The following RTN4 variants were observed in gnomAD, a reference collection of about 807,000 sequenced individuals.
The protein encoded by RTN4 is reticulon 4.
Under a neutral mutation model 90.4 loss-of-function variants are expected in RTN4, and 32 were observed. The ratio of observed to expected loss-of-function variants is 0.35; its 90% confidence interval spans 0.27 to 0.48. RTN4 has a LOEUF of 0.48. Among genes scored for constraint, RTN4 ranks in the 20% least tolerant of loss-of-function variants. The pLI, the probability that RTN4 is intolerant of heterozygous loss-of-function variation, is 0.99. For missense variants in RTN4, 1,706 were observed against 1,430.2 expected (o/e 1.19, Z -3.11); for synonymous variants, 629 against 552.5 (o/e 1.14, Z -1.94).
intron 3 of RTN4, among the ~76,000 whole-genome samples, chr2:55,022,468 A>G (rs1681512631): frequency 1.3e-5 from 2 of 152,126 alleles, no homozygotes; most frequent in African/African-American, 4.8e-5. Flanking sequence ...AACTTGCTAA[A>G]TGAAGGCTAA....
Position 54,974,754 on chromosome 2 carries a change from A to G in RTN4, c.3371T>C (p.Leu1124Ser), listed in dbSNP as rs1677475064. The change falls in exon 6 of 9, where the codon TTG becomes TCG. Residue 1124 changes from leucine to serine, a missense_variant. Coordinates refer to ENST00000337526, the MANE Select transcript of RTN4 (RefSeq NM_020532.5). The part of the protein sequence containing the change: ...DLVDSLKFAV[L>S]MWVFTYVGAL... ...ACCAACATAGGTAAATACCCACATC[A>G]ACACTGCAAACTATAAGAAAATAAC... is the stretch of plus-strand genomic sequence containing the variant. 1.2e-6 allele frequency: 2 copies of G among 1,613,454 alleles called. No homozygotes were observed. The highest frequency in any genetic ancestry group is 1.7e-6 in the Non-Finnish European group (2 of 1,179,344).
chr2:55,024,461 C>T (rs1573408519), intron 3 of RTN4, among the ~76,000 whole-genome samples: 1 of 152,134 alleles, frequency 6.6e-6, no homozygotes, highest in Non-Finnish European at 1.5e-5. Flanking sequence ...ATAAAGAGCA[C>T]ATGTGCAAAT....
At chr2:55,070,188 A>C (rs1668461336) in intron 2 of RTN4, among the ~76,000 whole-genome samples, 1 of 152,216 alleles carries the variant, frequency 6.6e-6, no homozygotes, top group East Asian at 1.9e-4. Context: ...TAGGATGTTT[A>C]GCGGGATCAC....
chr2:55,047,934 C>G (rs773790544), intron 1 of RTN4, among the ~76,000 whole-genome samples: 1 of 151,800 alleles, frequency 6.6e-6, no homozygotes, highest in Non-Finnish European at 1.5e-5. Context: ...CCTCGCTGAA[C>G]AGGGGGAACA....
the RTN4 span, among the ~76,000 whole-genome samples, chr2:55,132,928 A>G: frequency 6.6e-6 from 1 of 151,514 alleles, no homozygotes; most frequent in Non-Finnish European, 1.5e-5. Flanking sequence ...TTTAAAAAAC[A>G]TGGCCGGGTG....
intron 3 of RTN4, chr2:55,010,254 GCA>G: frequency 3.9e-6 from 6 of 1,532,706 alleles, no homozygotes; most frequent in Non-Finnish European, 4.4e-6. Context: ...CTCCTCTGCT[GCA>G]CAACTGCAGC....
At chr2:54,983,450 C>A (rs1224921869) in intron 4 of RTN4, among the ~76,000 whole-genome samples, 1 of 152,100 alleles carries the variant, frequency 6.6e-6, no homozygotes. Context: ...CAGGGTACAA[C>A]CAACTCAGAA....
chr2:55,011,549 T>C (rs1680642260), intron 3 of RTN4, among the ~76,000 whole-genome samples: 1 of 152,182 alleles, frequency 6.6e-6, no homozygotes, highest in Non-Finnish European at 1.5e-5. Context: ...ACGTAGCCTA[T>C]GTACAAAAAT....
intron 2 of RTN4, among the ~76,000 whole-genome samples, chr2:55,070,445 C>A (rs1668486431): frequency 6.7e-6 from 1 of 149,190 alleles, no homozygotes; most frequent in South Asian, 2.1e-4. Flanking sequence ...ACTCAGCAGG[C>A]TGAGGCCAGA....
intron 1 of RTN4, among the ~76,000 whole-genome samples, chr2:55,082,198 G>C (rs763148340): frequency 1.3e-5 from 2 of 152,164 alleles, no homozygotes; most frequent in African/African-American, 2.4e-5. Context: ...GGCTGACAGA[G>C]CTGGATCCAA....
chr2:55,009,377 G>C (rs1680467738), intron 3 of RTN4, among the ~76,000 whole-genome samples: 1 of 152,044 alleles, frequency 6.6e-6, no homozygotes, highest in East Asian at 1.9e-4. Context: ...AAATATTCTA[G>C]TCAACATTTT....
chr2:55,131,283 A>T, the RTN4 span, among the ~76,000 whole-genome samples: 2 of 151,946 alleles, frequency 1.3e-5, no homozygotes, highest in South Asian at 4.2e-4. Flanking sequence ...ATCTCAGCTC[A>T]CTACAACCTC....
intron 5 of RTN4, among the ~76,000 whole-genome samples, chr2:54,977,232 A>G (rs933101446): frequency 1.3e-5 from 2 of 152,162 alleles, no homozygotes; most frequent in African/African-American, 4.8e-5. Flanking sequence ...AGATTCATTC[A>G]TTAGTTGGTA....
At chr2:55,068,958 A>T (rs2105013922) in intron 2 of RTN4, among the ~76,000 whole-genome samples, 1 of 152,396 alleles carries the variant, frequency 6.6e-6, no homozygotes, top group African/African-American at 2.4e-5. Context: ...CTTTAAAGCC[A>T]CTGCCTTGAT....
chr2:55,119,516 A>C, the RTN4 span, among the ~76,000 whole-genome samples: 1 of 152,302 alleles, frequency 6.6e-6, no homozygotes, highest in East Asian at 1.9e-4. Flanking sequence ...TATTGGATGC[A>C]AGTATAAAAG....
intron 3 of RTN4, among the ~76,000 whole-genome samples, chr2:55,022,328 T>C (rs930910021): frequency 6.6e-6 from 1 of 152,154 alleles, no homozygotes; most frequent in Non-Finnish European, 1.5e-5. Context: ...CATTTTACTG[T>C]GCTGTTTGAA....
chr2:55,065,326 A>C (rs1482123810), intron 2 of RTN4, among the ~76,000 whole-genome samples: 1 of 152,192 alleles, frequency 6.6e-6, no homozygotes, highest in East Asian at 1.9e-4. Context: ...TCTGCCTTCT[A>C]CTGCTATTTG....
the RTN4 span, among the ~76,000 whole-genome samples, chr2:55,135,711 T>C: frequency 6.6e-6 from 1 of 152,134 alleles, no homozygotes; most frequent in Non-Finnish European, 1.5e-5. Context: ...CCCAAAAAGT[T>C]TTCTCATGCC....
Position 55,026,177 on chromosome 2 carries a change from G to A in RTN4, c.1922C>T (p.Ala641Val). The change falls in exon 3 of 9, where the codon GCT (alanine) becomes GTT (valine). Residue 641 changes from alanine (A) to valine (V), a missense_variant. Transcript: ENST00000337526. ...TATGCTTTCATAATTAACTGAAGAAGCTTCTAATGGTGATGAGCTGGGCTG... is the reference window on the plus strand; with the variant it reads ...TATGCTTTCATAATTAACTGAAGAAACTTCTAATGGTGATGAGCTGGGCTG... Reference protein sequence around the residue: ...VIQPSSSPLEASSVNYESIKH... With the variant: ...VIQPSSSPLEVSSVNYESIKH... The A allele has an allele frequency of 6.2e-7, 1 of 1,613,548 alleles. No individual in the cohort carries two copies. Among genetic ancestry groups the A allele is most frequent in the South Asian group, 1.1e-5 (1 of 91,066 alleles).
Sources: gnomAD v4.1 joint callset for allele counts (sites outside exome capture counted in the v4.1 genomes callset) on GRCh38, gnomAD v4.1.1 for gene constraint, MANE v1.5 for transcripts, NCBI Gene and HGNC (gene_info 2026-07-23, HGNC 2026-07-21) for gene names.